The following ABR variants were observed in gnomAD, a reference collection of about 807,000 sequenced individuals.
The protein encoded by ABR is ABR activator of RhoGEF and GTPase, also known as active breakpoint cluster region-related protein.
ABR carries 35 observed loss-of-function variants against 107.2 expected under a neutral mutation model. That is an observed-to-expected ratio of 0.33 (90% CI 0.25 to 0.43). The LOEUF (loss-of-function observed/expected upper bound fraction) is 0.43, where lower values mean the gene tolerates loss of function less well. Ranked by LOEUF, ABR falls within the 20% of genes least tolerant of loss-of-function variation. The pLI is 1.00. For synonymous variants in ABR, 498 were observed against 462.0 expected, an observed-to-expected ratio of 1.08 and a Z score of -1.00; for missense variants, 815 against 1,115.2, an observed-to-expected ratio of 0.73 and a Z score of 3.83.
intron 16 of ABR, among the ~76,000 whole-genome samples, chr17:1,014,355 A>C (rs6598846): frequency 1.6e-5 from 2 of 125,028 alleles, no homozygotes; most frequent in Middle Eastern, 3.8e-3. Flanking sequence ...GCAGGAGAAT[A>C]GCGTGAACCC....
In ABR at chr17:1,005,699, T is replaced by A; in HGVS notation, c.*381A>T. On this transcript the variant is annotated 3_prime_UTR_variant, in exon 23 of 23. Transcript: ENST00000302538. The stretch of plus-strand genomic sequence containing the variant: ...GTTACACAGCGCAAAATAAAAGGCC[T>A]TGGGCTGGACTCAGGCGGAAAGAAA... The A allele has an allele frequency of 3.6e-6, 1 of 278,478 alleles. No homozygotes were observed. Among genetic ancestry groups the A allele is most frequent in the Non-Finnish European group, 6.9e-6 (1 of 145,200 alleles). 17.3% of individuals were successfully genotyped at this position (278,478 alleles called of 1,614,324 possible).
chr17:1,159,309 C>CGGGAG (rs2041172663), intron 1 of ABR, among the ~76,000 whole-genome samples: 2 of 46,028 alleles, frequency 4.3e-5, no homozygotes, highest in African/African-American at 1.3e-4. Flanking sequence ...TACTCACACA[C>CGGGAG]AAGGGAAGTA....
At chr17:1,134,316 G>A (rs1177484764) in intron 1 of ABR, among the ~76,000 whole-genome samples, 1 of 152,168 alleles carries the variant, frequency 6.6e-6, no homozygotes, top group Non-Finnish European at 1.5e-5. Context: ...AGGAGGCTGA[G>A]GCAGGAGATC....
At chr17:1,064,577 C>T (rs2034475375) in intron 10 of ABR, among the ~76,000 whole-genome samples, 1 of 104,334 alleles carries the variant, frequency 9.6e-6, no homozygotes. Flanking sequence ...TTCCTCTAGA[C>T]ACTGCTGTTA....
At chr17:1,181,773 G>C (rs552199497), upstream of ABR, 18 of 152,156 alleles carry the variant, frequency 1.2e-4, no homozygotes, top group African/African-American at 4.1e-4. Context: ...GTGAGCTGCC[G>C]CCACCAGGAG....
At position 1,179,592 on chromosome 17, in the gene ABR, GATCCTGGGGTCCCGATCTCC is replaced by G. The variant is rs1254671768; in HGVS notation, c.61+55_61+74del. 3.0e-5 allele frequency: 41 copies of G among 1,383,184 alleles called. No individual in the cohort carries two copies. The highest frequency in any genetic ancestry group is 6.1e-5 in the East Asian group (2 of 32,996). The allele number at this position is 1,383,184 out of a possible 1,614,324, so 85.7% of individuals were successfully genotyped here. ...ATCCCGATCTTGGGGTCCCGATCCC[GATCCTGGGGTCCCGATCTCC>G]ATCCTGGGGTCCCGATCCCGATCCT... On this transcript the variant is annotated intron_variant, in intron 1 of 22. Coordinates refer to ENST00000302538, the MANE Select transcript of ABR (RefSeq NM_021962.5). This position sits in a 1 kb window ranked among gnomAD's most constrained non-coding sequence, Gnocchi z 4.9.
intron 16 of ABR, among the ~76,000 whole-genome samples, chr17:1,021,464 A>G (rs76314577): frequency 0.018 from 2,711 of 152,308 alleles, 65 homozygotes; most frequent in African/African-American, 0.047. Flanking sequence ...GGCATCCCAG[A>G]ATGCGGGAGG....
rs957598511 is a variant in ABR, at chr17:1,210,876, A to G, written c.838+17917T>C. ...GGGCCAGATGGACGGAAAGGGCCCT[A>G]TATTTTAAAGGTGCCAGACATTTAC... On this transcript the variant is annotated intron_variant, in intron 1 of 22. Transcript: ENST00000574139. The surrounding 1 kb of genome is among the most constrained non-coding windows in gnomAD (Gnocchi z 5.6). Among the ~76,000 whole-genome samples the G allele has an allele frequency of 2.0e-5, 3 of 152,216 alleles. No homozygotes were observed. The highest frequency in any genetic ancestry group is 2.9e-5 in the Non-Finnish European group (2 of 68,048).
At chr17:1,057,143 T>A (rs756523088) in intron 12 of ABR, 41 bp from the exon 13 acceptor site, 1 of 1,395,076 alleles carries the variant, frequency 7.2e-7, no homozygotes, top group South Asian at 1.2e-5. Context: ...TGGGCACTGG[T>A]CCACCAGGAC....
At chr17:1,113,394 CTT>C (rs2038827341) in intron 2 of ABR, among the ~76,000 whole-genome samples, 2 of 140,766 alleles carry the variant, frequency 1.4e-5, no homozygotes, top group Non-Finnish European at 3.0e-5. Context: ...TCAACCCATT[CTT>C]TCGCCTCAGC....
upstream of ABR, among the ~76,000 whole-genome samples, chr17:1,191,384 G>A (rs1280156527): frequency 2.3e-5 from 3 of 130,372 alleles, no homozygotes; most frequent in Non-Finnish European, 4.7e-5. Flanking sequence ...TTGAGACAGA[G>A]TCTCCCTCTG....
At chr17:1,019,045 A>G (rs2071419566) in intron 16 of ABR, among the ~76,000 whole-genome samples, 2 of 152,146 alleles carry the variant, frequency 1.3e-5, no homozygotes, top group Admixed American at 1.3e-4. Context: ...CTGCTTCCTC[A>G]GAAAGGCAAC....
chr17:1,090,353 G>T (rs1320113665), intron 4 of ABR, among the ~76,000 whole-genome samples: 3 of 152,106 alleles, frequency 2.0e-5, no homozygotes, highest in Non-Finnish European at 2.9e-5. Context: ...CCGCTGAAGG[G>T]GCCGTCGAGG....
chr17:1,090,819 A>G (rs2036972033), intron 4 of ABR, among the ~76,000 whole-genome samples: 1 of 152,168 alleles, frequency 6.6e-6, no homozygotes, highest in South Asian at 2.1e-4. Context: ...ACACCCAGAG[A>G]AGAACCGCGG....
intron 16 of ABR, among the ~76,000 whole-genome samples, chr17:1,047,100 C>G (rs537526165): frequency 6.6e-6 from 1 of 152,244 alleles, no homozygotes; most frequent in Non-Finnish European, 1.5e-5. Context: ...TCTGGATGGG[C>G]TGCTGGGAGG....
chr17:1,099,297 A>G (rs2037711979), intron 3 of ABR, among the ~76,000 whole-genome samples: 1 of 151,706 alleles, frequency 6.6e-6, no homozygotes, highest in South Asian at 2.1e-4. Context: ...CTGGTCTCGA[A>G]CTCCTGTCCT....
At chr17:1,123,437 G>T (rs552915130) in intron 2 of ABR, among the ~76,000 whole-genome samples, 1 of 152,210 alleles carries the variant, frequency 6.6e-6, no homozygotes, top group Non-Finnish European at 1.5e-5. Flanking sequence ...GCCCCGGAGC[G>T]CCAGGCGGGG....
chr17:1,214,071 G>A (rs540441255), intron 1 of ABR, among the ~76,000 whole-genome samples: 1 of 151,970 alleles, frequency 6.6e-6, no homozygotes, highest in South Asian at 2.1e-4. Context: ...ATTTTTAGTA[G>A]AGAAGAGGTT....
chr17:1,215,410 C>T (rs974873536), intron 1 of ABR, among the ~76,000 whole-genome samples: 1 of 152,178 alleles, frequency 6.6e-6, no homozygotes, highest in African/African-American at 2.4e-5. Flanking sequence ...GACTGGTTTT[C>T]GTATTTTTTT....
Sources: gnomAD v4.1 joint callset for allele counts (sites outside exome capture counted in the v4.1 genomes callset) on GRCh38, gnomAD v4.1.1 for gene constraint, Gnocchi (gnomAD v3.1) non-coding constraint, MANE v1.5 for transcripts, NCBI Gene and HGNC (gene_info 2026-07-23, HGNC 2026-07-21) for gene names.